PVT1: variants seen among roughly 807,000 people sequenced by gnomAD.
The protein encoded by PVT1 is CXCR4/PVT1 fusion.
At chr8:128,061,543 A>T (rs2130121687) in intron 4 of PVT1, among the ~76,000 whole-genome samples, 1 of 152,326 alleles carries the variant, frequency 6.6e-6, no homozygotes, top group African/African-American at 2.4e-5. Flanking sequence ...GCTGGGTCAT[A>T]TGGTAACTCT....
intron 4 of PVT1, among the ~76,000 whole-genome samples, chr8:128,056,339 A>T (rs1813762025): frequency 6.6e-6 from 1 of 152,212 alleles, no homozygotes; most frequent in African/African-American, 2.4e-5. Flanking sequence ...ATGTATTTAC[A>T]TTTGAATGTG....
chr8:128,003,630 G>C (rs1370959953), intron 4 of PVT1, among the ~76,000 whole-genome samples: 1 of 152,232 alleles, frequency 6.6e-6, no homozygotes, highest in Non-Finnish European at 1.5e-5. Context: ...ATTGCGCCTG[G>C]CCTGTTGATT....
intron 2 of PVT1, among the ~76,000 whole-genome samples, chr8:127,806,319 G>A (rs1814526423): frequency 6.6e-6 from 1 of 152,082 alleles, no homozygotes; most frequent in Admixed American, 6.6e-5. Flanking sequence ...AAATTAGCTG[G>A]GTGTGGTGGC....
chr8:127,955,804 C>G (rs982620213), intron 3 of PVT1, among the ~76,000 whole-genome samples: 1 of 152,162 alleles, frequency 6.6e-6, no homozygotes, highest in Non-Finnish European at 1.5e-5. Context: ...AGGCTGGTCT[C>G]AAACTCCTAG....
intron 2 of PVT1, among the ~76,000 whole-genome samples, chr8:127,803,815 G>A (rs1013249214): frequency 6.6e-6 from 1 of 151,782 alleles, no homozygotes; most frequent in African/African-American, 2.4e-5. Flanking sequence ...CCGCCTCCTG[G>A]GTTCAAGCGA....
At chr8:127,966,840 TA>T (rs1307976137) in intron 3 of PVT1, among the ~76,000 whole-genome samples, 3 of 152,202 alleles carry the variant, frequency 2.0e-5, no homozygotes, top group Non-Finnish European at 2.9e-5. Context: ...TTTCATCTTT[TA>T]GGGGTATGGT....
At chr8:127,859,781 C>T (rs544526377) in intron 2 of PVT1, among the ~76,000 whole-genome samples, 2 of 152,078 alleles carry the variant, frequency 1.3e-5, no homozygotes, top group African/African-American at 2.4e-5. Flanking sequence ...TAGCCTCAAT[C>T]GCCTTATCTG....
At chr8:127,840,519 C>T (rs1814961545) in intron 2 of PVT1, among the ~76,000 whole-genome samples, 1 of 152,226 alleles carries the variant, frequency 6.6e-6, no homozygotes, top group Admixed American at 6.5e-5. Flanking sequence ...ACAGGCCGTC[C>T]TGGGCAAGGC....
intron 2 of PVT1, among the ~76,000 whole-genome samples, chr8:127,853,554 G>T (rs1356237620): frequency 6.6e-6 from 1 of 152,092 alleles, no homozygotes; most frequent in Admixed American, 6.6e-5. Context: ...ATCAAAGCTG[G>T]GGGATCACCT....
At chr8:128,005,334 A>G (rs143031833) in intron 4 of PVT1, among the ~76,000 whole-genome samples, 1,717 of 152,240 alleles carry the variant, frequency 0.011, 26 homozygotes, top group African/African-American at 0.04. Flanking sequence ...TCTTCTTCCA[A>G]TGTGGCCCAG....
intron 4 of PVT1, among the ~76,000 whole-genome samples, chr8:128,001,344 G>C (rs969266783): frequency 6.6e-6 from 1 of 152,120 alleles, no homozygotes; most frequent in African/African-American, 2.4e-5. Flanking sequence ...AAGGGTGTGT[G>C]ACCATGCAGG....
chr8:127,969,533 G>A (rs1405490543), intron 3 of PVT1, among the ~76,000 whole-genome samples: 3 of 152,162 alleles, frequency 2.0e-5, no homozygotes, highest in Admixed American at 2.0e-4. Flanking sequence ...GTCATCCTCA[G>A]ATTGGTATGC....
At chr8:127,938,016 A>G (rs1308192541) in intron 3 of PVT1, among the ~76,000 whole-genome samples, 6 of 152,134 alleles carry the variant, frequency 3.9e-5, no homozygotes, top group Admixed American at 3.9e-4. Context: ...TGATTCTTCC[A>G]AGATCAGTCT....
At chr8:127,818,167 A>T (rs1814688259) in intron 2 of PVT1, among the ~76,000 whole-genome samples, 1 of 152,146 alleles carries the variant, frequency 6.6e-6, no homozygotes, top group East Asian at 1.9e-4. Flanking sequence ...TTTCACCCCC[A>T]CTTCCTTCCA....
Position 128,060,453 on chromosome 8 carries a change from C to T in PVT1, n.913-9707C>T, listed in dbSNP as rs188718417. On this transcript the variant is annotated intron_variant and non_coding_transcript_variant, in intron 4 of 10. Coordinates refer to ENST00000651587, the Ensembl canonical transcript of PVT1. ...ACTAAATGTGGTTTTGTACTTCCTA[C>T]TAAACATGAGCTTAATAAATGTTTG... 3.8e-3 allele frequency among the ~76,000 whole-genome samples: 585 copies of T among 152,290 alleles called. 1 individual carries two copies. The highest frequency in any genetic ancestry group is 0.013 in the African/African-American group (524 of 41,548).
At chr8:127,808,337 G>A (rs1371383652) in intron 2 of PVT1, among the ~76,000 whole-genome samples, 2 of 152,044 alleles carry the variant, frequency 1.3e-5, no homozygotes, top group South Asian at 2.1e-4. Flanking sequence ...CGTGAGCCAC[G>A]GCGTCCAGCC....
chr8:128,091,598 G>A (rs1814353752), intron 5 of PVT1, among the ~76,000 whole-genome samples: 1 of 152,164 alleles, frequency 6.6e-6, no homozygotes, highest in Admixed American at 6.5e-5. Context: ...GACTCTAGAG[G>A]GATACATGAA....
intron 4 of PVT1, among the ~76,000 whole-genome samples, chr8:128,043,993 AT>A (rs1337857678): frequency 1.5e-5 from 2 of 137,160 alleles, no homozygotes; most frequent in Admixed American, 7.6e-5. Flanking sequence ...CACCCGGTTA[AT>A]TTTTTTATTA....
In PVT1 at chr8:127,915,338, A is replaced by G. The variant is rs543801628; in HGVS notation, n.782+24340A>G. Among the ~76,000 whole-genome samples the G allele has an allele frequency of 1.1e-4, 16 of 151,628 alleles. No individual in the cohort carries two copies. In the South Asian group the frequency reaches 3.2e-3, roughly 30 times the overall value. On this transcript the variant is annotated intron_variant and non_coding_transcript_variant, in intron 3 of 10. Transcript: ENST00000651587. ...AAAAGAGGACATGTGGGCCAGGCTC[A>G]GTGGCTCACACCTGTAATCCCAGCA...
Sources: allele counts gnomAD v4.1 joint callset (sites outside exome capture counted in the v4.1 genomes callset), GRCh38; gene constraint gnomAD v4.1.1; transcripts MANE v1.5; gene names NCBI Gene and HGNC (gene_info 2026-07-23, HGNC 2026-07-21).